The following ABCC1 variants were observed in gnomAD, a reference collection of about 807,000 sequenced individuals.
The protein encoded by ABCC1 is multidrug resistance-associated protein 1.
Under a neutral mutation model 172.9 loss-of-function variants are expected in ABCC1, and 83 were observed. The observed-to-expected ratio is 0.48, with a 90% CI of 0.40 to 0.58. ABCC1 has a LOEUF of 0.58. Among genes scored for constraint, ABCC1 ranks in the 20% least tolerant of loss-of-function variants. ABCC1 has a pLI of 0.00. For synonymous variants in ABCC1, 937 were observed against 825.2 expected (o/e 1.14, Z -2.32); for missense variants, 1,817 against 2,002.7 (o/e 0.91, Z 1.77).
intron 19 of ABCC1, among the ~76,000 whole-genome samples, chr16:16,101,344 C>T (rs1177977346): frequency 2.6e-5 from 4 of 152,096 alleles, no homozygotes; most frequent in Admixed American, 2.0e-4. Flanking sequence ...GCCACCTGCT[C>T]ATTTATAAAG....
At chr16:15,973,732 T>C (rs1422419221) in intron 1 of ABCC1, among the ~76,000 whole-genome samples, 2 of 151,918 alleles carry the variant, frequency 1.3e-5, no homozygotes, top group African/African-American at 4.8e-5. Flanking sequence ...TCCCAGCACT[T>C]TGGGAGGCCA....
At chr16:16,026,682 G>T (rs1355103994) in intron 5 of ABCC1, among the ~76,000 whole-genome samples, 1 of 151,776 alleles carries the variant, frequency 6.6e-6, no homozygotes, top group Non-Finnish European at 1.5e-5. Flanking sequence ...TTGTGAGGCC[G>T]AGATAGGCGG....
intron 5 of ABCC1, among the ~76,000 whole-genome samples, chr16:16,018,102 C>T (rs2048068932): frequency 1.3e-5 from 2 of 152,066 alleles, no homozygotes; most frequent in African/African-American, 2.4e-5. Context: ...TGGTAATGGG[C>T]GGATTGCAGT....
In ABCC1 at chr16:16,002,051, T is replaced by A. The variant is rs767143656; in HGVS notation, c.49-5765T>A. The stretch of plus-strand genomic sequence containing the variant: ...GATCTTATCAACACTCTTGCTTGAG[T>A]GTGAAATTCAATTGTTTATTCAATG... On this transcript the variant is annotated intron_variant, in intron 1 of 30. Coordinates refer to ENST00000399410, the MANE Select transcript of ABCC1 (RefSeq NM_004996.4). Among the ~76,000 whole-genome samples the A allele has an allele frequency of 7.2e-5, 11 of 152,196 alleles. No individual in the cohort carries two copies. The East Asian group carries it at 2.1e-3, about 29-fold the overall frequency.
At chr16:16,130,576 T>A (rs534801076) in intron 26 of ABCC1, among the ~76,000 whole-genome samples, 1 of 152,330 alleles carries the variant, frequency 6.6e-6, no homozygotes, top group South Asian at 2.1e-4. Flanking sequence ...GTGCATAACA[T>A]GGCACACTGT....
chr16:15,955,392 C>T (rs1335811490), intron 1 of ABCC1, among the ~76,000 whole-genome samples: 3 of 152,152 alleles, frequency 2.0e-5, no homozygotes, highest in South Asian at 4.1e-4. Flanking sequence ...CGCTGCTGTG[C>T]CTACTCTGCC....
chr16:16,063,802 C>T lies in ABCC1; in HGVS notation c.1678-4354C>T, dbSNP rs1161422908. On this transcript the variant is annotated intron_variant, in intron 12 of 30. Transcript: ENST00000399410. ...CTGTCACCTCAGCAACCCCTGTGAA[C>T]AGAGAGTCTTACTCTTTTCCCCTAA... is the stretch of plus-strand genomic sequence containing the variant. Among the ~76,000 whole-genome samples the T allele has an allele frequency of 2.6e-5, 4 of 152,272 alleles. No individual in the cohort carries two copies. The South Asian group carries it at 6.2e-4, about 24-fold the overall frequency.
chr16:16,007,811 C>G lies in ABCC1; in HGVS notation c.49-5C>G, dbSNP rs377416816. 1 of 1,608,380 alleles carries G rather than the reference C, an allele frequency of 6.2e-7. No individual in the cohort carries two copies. Among genetic ancestry groups the G allele is most frequent in the African/African-American group, 1.3e-5 (1 of 74,888 alleles). On this transcript the variant is annotated splice_polypyrimidine_tract_variant and splice_region_variant and intron_variant, in intron 1 of 30. Transcript: ENST00000399410. ...CTGACCCCTCGCCTGTGTTTGTGTT[C>G]GCAGGACTGGAATGTCACGTGGAAT... is the stretch of plus-strand genomic sequence containing the variant.
At chr16:16,000,156 C>CT (rs1024557339) in intron 1 of ABCC1, among the ~76,000 whole-genome samples, 5 of 151,304 alleles carry the variant, frequency 3.3e-5, no homozygotes, top group African/African-American at 9.7e-5. Context: ...CCTGGCCTTC[C>CT]TTTTTTTTGA....
At chr16:16,104,714 CA>C (rs1280682247) in intron 20 of ABCC1, among the ~76,000 whole-genome samples, 5 of 152,278 alleles carry the variant, frequency 3.3e-5, no homozygotes, top group Non-Finnish European at 5.9e-5. Context: ...CGCCATGGAG[CA>C]GGGGCGGCAC....
intron 19 of ABCC1, among the ~76,000 whole-genome samples, chr16:16,096,928 A>G (rs1180077469): frequency 1.4e-5 from 2 of 145,480 alleles, no homozygotes; most frequent in African/African-American, 5.1e-5. Context: ...AAAAAAAAAA[A>G]GAAAGAACTC....
At chr16:15,954,882 A>G (rs567207720) in intron 1 of ABCC1, among the ~76,000 whole-genome samples, 1 of 152,272 alleles carries the variant, frequency 6.6e-6, no homozygotes, top group South Asian at 2.1e-4. Flanking sequence ...CCATGTTCCT[A>G]AAGAACGTGA....
Position 16,129,374 on chromosome 16 carries a change from C to T in ABCC1, c.3820-2415C>T, listed in dbSNP as rs147641455. 1.1e-3 allele frequency among the ~76,000 whole-genome samples: 161 copies of T among 152,022 alleles called. 2 individuals carry two copies. In the East Asian group the frequency reaches 0.019, roughly 18 times the overall value. On this transcript the variant is annotated intron_variant, in intron 26 of 30. Transcript: ENST00000399410. ...TAATAACATTTATTTTTTGGCCAGG[C>T]GCGGTGGCTCACGCCTGTAATCCCA...
intron 7 of ABCC1, among the ~76,000 whole-genome samples, chr16:16,038,132 T>A (rs2048827352): frequency 6.6e-6 from 1 of 151,922 alleles, no homozygotes; most frequent in Non-Finnish European, 1.5e-5. Context: ...TTGGTGGATG[T>A]ATACATGGTA....
chr16:16,138,242 A>G (rs2045989600), intron 29 of ABCC1, 122 bp from the exon 30 acceptor site: 1 of 810,408 alleles, frequency 1.2e-6, no homozygotes, highest in Non-Finnish European at 1.9e-6. Flanking sequence ...TTGGGAGTGG[A>G]CATGCTTTCC....
chr16:16,075,210 G>A (rs918625410), intron 14 of ABCC1, among the ~76,000 whole-genome samples: 5 of 152,074 alleles, frequency 3.3e-5, no homozygotes, highest in African/African-American at 1.2e-4. Flanking sequence ...CTCCCGAAGT[G>A]TTGGGATTAC....
intron 17 of ABCC1, among the ~76,000 whole-genome samples, chr16:16,085,234 C>T (rs566194058): frequency 4.8e-4 from 73 of 152,304 alleles, no homozygotes; most frequent in Non-Finnish European, 9.4e-4. Flanking sequence ...TTCACAGCAA[C>T]CCCCAGCCCC....
At chr16:16,051,584 T>C (rs1445589038) in intron 10 of ABCC1, among the ~76,000 whole-genome samples, 1 of 152,020 alleles carries the variant, frequency 6.6e-6, no homozygotes, top group East Asian at 1.9e-4. Flanking sequence ...GAGTCACAGG[T>C]TCACTAATTC....
intron 7 of ABCC1, among the ~76,000 whole-genome samples, chr16:16,042,857 ATT>A (rs2049030749): frequency 6.6e-6 from 1 of 152,020 alleles, no homozygotes. Context: ...ATCACAGTCA[ATT>A]TTATTTATTT....
Sources: gnomAD v4.1 joint callset for allele counts (sites outside exome capture counted in the v4.1 genomes callset) on GRCh38, gnomAD v4.1.1 for gene constraint, MANE v1.5 for transcripts, NCBI Gene and HGNC (gene_info 2026-07-23, HGNC 2026-07-21) for gene names.